The following RNF212B variants were observed in gnomAD, a reference collection of about 807,000 sequenced individuals.
The protein encoded by RNF212B is ring finger protein 212B.
RNF212B carries 52 observed loss-of-function variants against 55.5 expected under a neutral mutation model. The observed-to-expected ratio is 0.94, with a 90% CI of 0.75 to 1.18. The LOEUF (loss-of-function observed/expected upper bound fraction) is 1.18, where lower values mean the gene tolerates loss of function less well. Among genes scored for constraint, RNF212B ranks in the 50% most tolerant of loss-of-function variants. The pLI is 0.00. For missense variants in RNF212B, 289 were observed against 350.4 expected, an observed-to-expected ratio of 0.82 and a Z score of 1.40; for synonymous variants, 99 against 121.4, an observed-to-expected ratio of 0.82 and a Z score of 1.21.
At chr14:23,225,079 C>CAAA (rs145337832) in intron 2 of RNF212B, among the ~76,000 whole-genome samples, 5 of 149,484 alleles carry the variant, frequency 3.3e-5, no homozygotes, top group African/African-American at 1.2e-4. Flanking sequence ...TGCCACCCCA[C>CAAA]ACAAAAAAAA....
chr14:23,199,197 G>T (rs1286792296), intron 2 of RNF212B, among the ~76,000 whole-genome samples: 1 of 152,122 alleles, frequency 6.6e-6, no homozygotes, highest in Non-Finnish European at 1.5e-5. Context: ...AGGTGGTTGG[G>T]GTACAGCTTA....
chr14:23,242,906 G>C (rs558523497), intron 2 of RNF212B, among the ~76,000 whole-genome samples: 1 of 145,652 alleles, frequency 6.9e-6, no homozygotes, highest in Non-Finnish European at 1.5e-5. Flanking sequence ...TTGAGCCCGG[G>C]AGGTTGAGGC....
intron 2 of RNF212B, among the ~76,000 whole-genome samples, chr14:23,215,503 T>G (rs543503225): frequency 1.3e-5 from 2 of 152,180 alleles, no homozygotes; most frequent in Non-Finnish European, 2.9e-5. Context: ...AGACTCTGTA[T>G]CTTTAAACAA....
At chr14:23,222,500 C>T (rs965610307) in intron 2 of RNF212B, among the ~76,000 whole-genome samples, 1 of 152,076 alleles carries the variant, frequency 6.6e-6, no homozygotes, top group Non-Finnish European at 1.5e-5. Context: ...TAAAAAGTCT[C>T]CCAATAAAGA....
chr14:23,229,169 C>T (rs932310622), intron 2 of RNF212B, among the ~76,000 whole-genome samples: 19 of 137,752 alleles, frequency 1.4e-4, no homozygotes, highest in African/African-American at 5.0e-4. Flanking sequence ...AAGATTCATC[C>T]ATGTTGTAGC....
intron 2 of RNF212B, 32 bp from the exon 3 acceptor site, chr14:23,243,224 G>A: frequency 6.5e-7 from 1 of 1,535,474 alleles, no homozygotes; most frequent in Non-Finnish European, 8.8e-7. Context: ...ATGCTCATGA[G>A]AGCCAAATAT....
chr14:23,231,785 AC>A (rs1271073102), intron 2 of RNF212B, among the ~76,000 whole-genome samples: 1 of 147,110 alleles, frequency 6.8e-6, no homozygotes, highest in East Asian at 2.3e-4. Flanking sequence ...GATTGCAGGC[AC>A]GCGCCGCCAC....
intron 3 of RNF212B, among the ~76,000 whole-genome samples, chr14:23,244,036 C>G (rs763572339): frequency 1.9e-4 from 29 of 152,038 alleles, no homozygotes; most frequent in Non-Finnish European, 3.7e-4. Context: ...CTAGATCACA[C>G]CACTGCACTC....
intron 2 of RNF212B, among the ~76,000 whole-genome samples, chr14:23,210,776 CAAAA>C (rs1160221876): frequency 1.6e-5 from 1 of 60,828 alleles, no homozygotes; most frequent in East Asian, 5.2e-4. Context: ...GACTCTGTCT[CAAAA>C]AAAAAAAAAA....
chr14:23,228,169 T>C (rs931269598), intron 2 of RNF212B, among the ~76,000 whole-genome samples: 12 of 151,838 alleles, frequency 7.9e-5, no homozygotes, highest in Non-Finnish European at 1.5e-4. Context: ...GAGGTGGAGA[T>C]TGCGGTGAGC....
chr14:23,263,474 A>C (rs983024716), intron 9 of RNF212B, among the ~76,000 whole-genome samples: 3 of 152,208 alleles, frequency 2.0e-5, no homozygotes, highest in African/African-American at 4.8e-5. Flanking sequence ...TTGCCAGACA[A>C]ACTGGTAATC....
chr14:23,239,681 C>T (rs1480105916), intron 1 of RNF212B, among the ~76,000 whole-genome samples: 4 of 151,768 alleles, frequency 2.6e-5, no homozygotes, highest in South Asian at 4.2e-4. Context: ...TGCAATGGCA[C>T]GGTCTCAGCT....
Position 23,244,321 on chromosome 14 carries a change from G to C in RNF212B, c.154-1G>C. ...CACAGTGTGTATTGCTCTCTTCGTA[G>C]CTGAAGCCTCAGGAGAAGATGTTTT... On this transcript the variant is annotated splice_acceptor_variant, in intron 3 of 14. Coordinates refer to ENST00000430154, the MANE Select transcript of RNF212B (RefSeq NM_001282322.3). LOFTEE classifies it high-confidence loss of function. 1 of 1,534,696 alleles carries C rather than the reference G, an allele frequency of 6.5e-7. No homozygotes were observed. The highest frequency in any genetic ancestry group is 8.8e-7 in the Non-Finnish European group (1 of 1,136,614).
intron 13 of RNF212B, 95 bp downstream of exon 13, chr14:23,270,055 C>T (rs1189586656): frequency 3.1e-5 from 23 of 747,940 alleles, no homozygotes; most frequent in East Asian, 8.1e-5. Flanking sequence ...TTGAGGTTTG[C>T]CCCCCAAAGA....
chr14:23,211,974 C>T (rs1487036071), intron 2 of RNF212B, among the ~76,000 whole-genome samples: 1 of 152,172 alleles, frequency 6.6e-6, no homozygotes, highest in East Asian at 1.9e-4. Flanking sequence ...GTTATCTGCC[C>T]TCCTCAGCCT....
intron 2 of RNF212B, among the ~76,000 whole-genome samples, chr14:23,232,172 C>T (rs540364733): frequency 1.2e-4 from 18 of 151,408 alleles, no homozygotes; most frequent in African/African-American, 2.7e-4. Flanking sequence ...GCCTCTTCCC[C>T]GCCGCCATCC....
chr14:23,244,211 G>A, intron 3 of RNF212B, 111 bp from the exon 4 acceptor site: 1 of 557,794 alleles, frequency 1.8e-6, no homozygotes, highest in Non-Finnish European at 3.1e-6. Context: ...ACACACAGTG[G>A]AGATAATGTC....
intron 2 of RNF212B, among the ~76,000 whole-genome samples, chr14:23,211,253 AACT>A (rs1880493206): frequency 2.0e-5 from 3 of 151,904 alleles, no homozygotes; most frequent in Non-Finnish European, 4.4e-5. Flanking sequence ...CAAATTGAAC[AACT>A]TAGATAAAAA....
chr14:23,272,441 CA>C, intron 14 of RNF212B: 1 of 256,960 alleles, frequency 3.9e-6, no homozygotes, highest in Non-Finnish European at 7.6e-6. Flanking sequence ...AACAAACAAA[CA>C]AACAAACAAC....
Sources: gnomAD v4.1 joint callset for allele counts (sites outside exome capture counted in the v4.1 genomes callset) on GRCh38, gnomAD v4.1.1 for gene constraint, MANE v1.5 for transcripts, NCBI Gene and HGNC (gene_info 2026-07-23, HGNC 2026-07-21) for gene names.